Variants in PPTC7 observed in about 807,000 individuals in gnomAD.
PPTC7 encodes the protein protein phosphatase targeting COQ7, also known as protein phosphatase PTC7 homolog.
PPTC7 carries 6 observed loss-of-function variants against 30.8 expected under a neutral mutation model. That is an observed-to-expected ratio of 0.19 (90% CI 0.11 to 0.38). PPTC7 has a LOEUF of 0.38. Among genes scored for constraint, PPTC7 ranks in the 10% least tolerant of loss-of-function variants. The pLI, the probability that PPTC7 is intolerant of heterozygous loss-of-function variation, is 1.00. For synonymous variants in PPTC7, 163 were observed against 168.1 expected (o/e 0.97, Z 0.23); for missense variants, 218 against 404.8 (o/e 0.54, Z 3.96).
At chr12:110,552,556 C>A (rs1291294372) in intron 1 of PPTC7, among the ~76,000 whole-genome samples, 2 of 152,210 alleles carry the variant, frequency 1.3e-5, no homozygotes, top group African/African-American at 2.4e-5. Flanking sequence ...CAACTTGAGA[C>A]ATGCTCTAAG....
intron 1 of PPTC7, among the ~76,000 whole-genome samples, chr12:110,560,197 C>T (rs1227901445): frequency 3.3e-5 from 5 of 151,968 alleles, no homozygotes; most frequent in South Asian, 2.1e-4. Context: ...CCAAGGAATT[C>T]GAGACCAGCC....
rs957375243 is a variant in PPTC7, at chr12:110,549,573, C to T, written c.403+2216G>A. ...GGTGATGAAAGATTATTTCAATGTG[C>T]CTTTTAGGAGAAAAAAGTAATCACA... On this transcript the variant is annotated intron_variant, in intron 2 of 5. Transcript: ENST00000354300. 1.5e-4 allele frequency among the ~76,000 whole-genome samples: 23 copies of T among 151,714 alleles called. 1 individual carries two copies. Among genetic ancestry groups the T allele is most frequent in the African/African-American group, 5.1e-4 (21 of 41,242 alleles).
At chr12:110,578,227 A>G (rs955488362) in intron 1 of PPTC7, among the ~76,000 whole-genome samples, 4 of 152,342 alleles carry the variant, frequency 2.6e-5, no homozygotes, top group Non-Finnish European at 2.9e-5. Flanking sequence ...TAAGTAGCAT[A>G]AGGCTGTGGG....
At chr12:110,564,842 A>ATATATACACGTATATG (rs1323132329) in intron 1 of PPTC7, among the ~76,000 whole-genome samples, 1 of 118,708 alleles carries the variant, frequency 8.4e-6, no homozygotes, top group Non-Finnish European at 1.8e-5. Flanking sequence ...CACGTTATAT[A>ATATATACACGTATATG]TATATACACG....
In PPTC7 at chr12:110,534,602, C is replaced by T. The variant is rs2064204938; in HGVS notation, c.*2435G>A. ...GCAGCACTCCAGCTGACCCCCCCGGCAGTCATAAAATTAAGTGCATAACAC... is the reference window on the plus strand; with the variant it reads ...GCAGCACTCCAGCTGACCCCCCCGGTAGTCATAAAATTAAGTGCATAACAC... On this transcript the variant is annotated 3_prime_UTR_variant, in exon 6 of 6. Transcript: ENST00000354300. 6.6e-6 allele frequency: 1 copy of T among 151,978 alleles called. No homozygotes were observed. The highest frequency in any genetic ancestry group is 1.5e-5 in the Non-Finnish European group (1 of 68,010). The allele number at this position is 151,978 out of a possible 1,614,324, so 9.4% of individuals were successfully genotyped here. A position where few individuals can be genotyped will look rare whatever the true frequency, so the allele number is the denominator to read the frequency against.
intron 3 of PPTC7, among the ~76,000 whole-genome samples, chr12:110,545,503 C>A (rs886745340): frequency 1.3e-5 from 2 of 152,214 alleles, no homozygotes; most frequent in Non-Finnish European, 2.9e-5. Flanking sequence ...TCTGTTTGTG[C>A]TCTTCCCTAA....
At chr12:110,558,082 T>G (rs1489506925) in intron 1 of PPTC7, among the ~76,000 whole-genome samples, 1 of 152,164 alleles carries the variant, frequency 6.6e-6, no homozygotes, top group African/African-American at 2.4e-5. Context: ...GTTTCTGGAT[T>G]TGGGGAATTA....
chr12:110,549,043 T>C (rs900300667), intron 2 of PPTC7, among the ~76,000 whole-genome samples: 1 of 152,194 alleles, frequency 6.6e-6, no homozygotes, highest in Admixed American at 6.5e-5. Context: ...ATGACCCATA[T>C]AGACAGGAAC....
chr12:110,575,047 C>T (rs934565073), intron 1 of PPTC7, among the ~76,000 whole-genome samples: 3 of 151,424 alleles, frequency 2.0e-5, no homozygotes, highest in Non-Finnish European at 4.4e-5. Flanking sequence ...GCCTTGGCCT[C>T]CCAAAGTTCT....
intron 3 of PPTC7, among the ~76,000 whole-genome samples, chr12:110,543,056 A>G (rs536904523): frequency 9.2e-5 from 14 of 152,320 alleles, no homozygotes; most frequent in African/African-American, 3.4e-4. Context: ...AGGAAAGCAA[A>G]TCAGATACCG....
At chr12:110,562,286 CAAAAAAAAAA>C (rs11319526) in intron 1 of PPTC7, among the ~76,000 whole-genome samples, 19 of 34,728 alleles carry the variant, frequency 5.5e-4, no homozygotes, top group South Asian at 2.0e-3. Flanking sequence ...GACTCCATCT[CAAAAAAAAAA>C]AAAAAAAAAA....
At chr12:110,559,612 G>C (rs2064420547) in intron 1 of PPTC7, among the ~76,000 whole-genome samples, 1 of 151,576 alleles carries the variant, frequency 6.6e-6, no homozygotes, top group South Asian at 2.1e-4. Context: ...TGTAATCCCA[G>C]CTTCTTGGGA....
At chr12:110,561,801 T>C (rs1158135631) in intron 1 of PPTC7, among the ~76,000 whole-genome samples, 1 of 151,638 alleles carries the variant, frequency 6.6e-6, no homozygotes, top group East Asian at 1.9e-4. Context: ...CTACTAAAAA[T>C]ACAAAAAATT....
chr12:110,556,818 C>T (rs1049819765), intron 1 of PPTC7, among the ~76,000 whole-genome samples: 11 of 152,164 alleles, frequency 7.2e-5, no homozygotes, highest in East Asian at 5.8e-4. Flanking sequence ...ACCAGACAAA[C>T]GGCTCCCATA....
chr12:110,581,685 T>C (rs1396468883), intron 1 of PPTC7, among the ~76,000 whole-genome samples: 2 of 152,172 alleles, frequency 1.3e-5, no homozygotes, highest in Admixed American at 6.5e-5. Context: ...CTACATGTAG[T>C]AGAACCAAAG....
intron 1 of PPTC7, among the ~76,000 whole-genome samples, chr12:110,572,538 C>T (rs929745364): frequency 2.6e-5 from 4 of 152,144 alleles, no homozygotes; most frequent in Admixed American, 6.5e-5. Context: ...TTAATGAATA[C>T]GAGAACAGTG....
chr12:110,554,932 AT>A (rs1434602163), intron 1 of PPTC7, among the ~76,000 whole-genome samples: 1 of 152,308 alleles, frequency 6.6e-6, no homozygotes, highest in East Asian at 1.9e-4. Flanking sequence ...TATTAATTTT[AT>A]TTTTATCATG....
chr12:110,567,972 C>T (rs546109268), intron 1 of PPTC7, among the ~76,000 whole-genome samples: 1 of 152,184 alleles, frequency 6.6e-6, no homozygotes, highest in South Asian at 2.1e-4. Flanking sequence ...CCTCTTTCTA[C>T]AGCTTCCTCC....
At chr12:110,577,802 C>T (rs1003784430) in intron 1 of PPTC7, among the ~76,000 whole-genome samples, 6 of 152,064 alleles carry the variant, frequency 3.9e-5, no homozygotes, top group Non-Finnish European at 8.8e-5. Flanking sequence ...TGGCACAGAC[C>T]AGGCTGCCAT....
Sources: gnomAD v4.1 joint callset for allele counts (sites outside exome capture counted in the v4.1 genomes callset) on GRCh38, gnomAD v4.1.1 for gene constraint, MANE v1.5 for transcripts, NCBI Gene and HGNC (gene_info 2026-07-23, HGNC 2026-07-21) for gene names.